The following AHR variants were observed in gnomAD, a reference collection of about 807,000 sequenced individuals.
AHR encodes the protein AH-receptor.
A neutral mutation model predicts 86.8 loss-of-function variants in AHR; 40 were observed. The ratio of observed to expected loss-of-function variants is 0.46; its 90% CI spans 0.36 to 0.60. The LOEUF is 0.60. Ranked by LOEUF, AHR falls within the 20% of genes least tolerant of loss-of-function variation. The pLI is 0.00. For missense variants in AHR, 1,001 were observed against 1,011.6 expected (o/e 0.99, Z 0.14); for synonymous variants, 398 against 354.9 (o/e 1.12, Z -1.37).
chr7:17,337,324 T>C (rs921966919), intron 9 of AHR, among the ~76,000 whole-genome samples: 8 of 152,260 alleles, frequency 5.3e-5, no homozygotes, highest in African/African-American at 1.7e-4. Context: ...TTCTGTAGTT[T>C]GGGAGTATCT....
At position 17,343,331 on chromosome 7, in the gene AHR, G is replaced by A. The variant is rs1202239687; in HGVS notation, c.*267G>A. ...CCGTCTACATTTCACATTATTCTGGGCACCACAAAATATACAAAACTTTAT... is the reference window on the plus strand; with the variant it reads ...CCGTCTACATTTCACATTATTCTGGACACCACAAAATATACAAAACTTTAT... On this transcript the variant is annotated 3_prime_UTR_variant, in exon 11 of 11. Coordinates refer to ENST00000242057, the MANE Select transcript of AHR (RefSeq NM_001621.5). The A allele has an allele frequency of 2.5e-6, 1 of 395,756 alleles. No individual in the cohort carries two copies. The highest frequency in any genetic ancestry group is 4.9e-5 in the East Asian group (1 of 20,378). 24.5% of individuals were successfully genotyped at this position (395,756 alleles called of 1,614,324 possible). A position where few individuals can be genotyped will look rare whatever the true frequency, so the allele number is the denominator to read the frequency against.
chr7:17,315,265 T>A (rs377142244), intron 2 of AHR, among the ~76,000 whole-genome samples: 248 of 152,140 alleles, frequency 1.6e-3, no homozygotes, highest in African/African-American at 5.7e-3. Flanking sequence ...GATATCCCAA[T>A]TTACAGTATA....
Position 17,298,668 on chromosome 7 carries a change from C to T in AHR, c.-597C>T, listed in dbSNP as rs566313952. 7 of 394,764 alleles carry T rather than the reference C, an allele frequency of 1.8e-5. No homozygotes were observed. Among genetic ancestry groups the T allele is most frequent in the South Asian group, 2.8e-4 (2 of 7,250 alleles). 24.5% of individuals were successfully genotyped at this position (394,764 alleles called of 1,614,324 possible). A position where few individuals can be genotyped will look rare whatever the true frequency, so the allele number is the denominator to read the frequency against. On this transcript the variant is annotated 5_prime_UTR_variant, in exon 1 of 11. Transcript: ENST00000242057. ...GCGGGAGGCAGTGGCTGGGGAGTCC[C>T]GTCGACGCTCTGTTCCGAGAGCGTG...
chr7:17,311,814 A>T (rs1346676624), intron 2 of AHR, among the ~76,000 whole-genome samples: 1 of 152,214 alleles, frequency 6.6e-6, no homozygotes, highest in East Asian at 1.9e-4. Context: ...CATTTAGCTG[A>T]CATAGTTGGA....
In AHR at chr7:17,343,082, A is replaced by G. The variant is rs1782443666; in HGVS notation, c.*18A>G. ...TCCTGTAATTCCAAGCCCAATTTTG[A>G]CCCTGGTTTTTGGATTAAATTAGTT... On this transcript the variant is annotated 3_prime_UTR_variant, in exon 11 of 11. Coordinates refer to ENST00000242057, the MANE Select transcript of AHR (RefSeq NM_001621.5). 6.2e-7 allele frequency: 1 copy of G among 1,612,924 alleles called. No homozygotes were observed. Among genetic ancestry groups the G allele is most frequent in the Non-Finnish European group, 8.5e-7 (1 of 1,179,408 alleles).
Position 17,343,478 on chromosome 7 carries a change from A to G in AHR, c.*414A>G, listed in dbSNP as rs1413285600. The G allele has an allele frequency of 6.0e-6, 1 of 166,012 alleles. No individual in the cohort carries two copies. Among genetic ancestry groups the G allele is most frequent in the East Asian group, 1.8e-4 (1 of 5,468 alleles). 10.3% of individuals were successfully genotyped at this position (166,012 alleles called of 1,614,324 possible). A position where few individuals can be genotyped will look rare whatever the true frequency, so the allele number is the denominator to read the frequency against. ...ATTCTTATTAGTTCCCCAAATACAA[A>G]GTTAGAGAACTAAACTAGTTTTTCC... is the stretch of plus-strand genomic sequence containing the variant. On this transcript the variant is annotated 3_prime_UTR_variant, in exon 11 of 11. Transcript: ENST00000242057.
At chr7:17,302,220 C>T (rs748623079) in intron 1 of AHR, among the ~76,000 whole-genome samples, 1 of 152,000 alleles carries the variant, frequency 6.6e-6, no homozygotes, top group Non-Finnish European at 1.5e-5. Flanking sequence ...GGGATCTACA[C>T]TTTAAAATGA....
At chr7:17,322,668 A>G in intron 3 of AHR, 61 bp downstream of exon 3, 1 of 1,126,096 alleles carries the variant, frequency 8.9e-7, no homozygotes. Context: ...AAATGAATTA[A>G]TAAGTCTTTT....
Position 17,339,739 on chromosome 7 carries a change from G to A in AHR, c.1914G>A (p.Leu638=), listed in dbSNP as rs765822318. 5.0e-6 allele frequency: 8 copies of A among 1,614,204 alleles called. No individual in the cohort carries two copies. Among genetic ancestry groups the A allele is most frequent in the Non-Finnish European group, 6.8e-6 (8 of 1,180,044 alleles). ...KQVVVEPQQQ[L]CQKMKHMQVN... is the part of the protein sequence containing the mutation. ...TAGTAGTGGAGCCACAGCAACAGCT[G>A]TGTCAGAAGATGAAGCACATGCAAG... is the stretch of plus-strand genomic sequence containing the variant. The change falls in exon 10 of 11, where the codon CTG becomes CTA. Residue 638 remains leucine, a synonymous_variant. Coordinates refer to ENST00000242057, the MANE Select transcript of AHR (RefSeq NM_001621.5).
At position 17,338,988 on chromosome 7, in the gene AHR, A is replaced by T; in HGVS notation, c.1163A>T (p.Asp388Val). 1 of 1,594,064 alleles carries T rather than the reference A, an allele frequency of 6.3e-7. No individual in the cohort carries two copies. Among genetic ancestry groups the T allele is most frequent in the Non-Finnish European group, 8.6e-7 (1 of 1,169,128 alleles). Reference sequence around the variant, plus strand: ...GACTTTTTTGTACACAATTTTAGAGATGAGGAAGGAACAGAGCATTTACGA... The same window carrying T: ...GACTTTTTTGTACACAATTTTAGAGTTGAGGAAGGAACAGAGCATTTACGA... The part of the protein sequence containing the change: ...YIIVTQRPLT[D>V]EEGTEHLRKR... The change falls in exon 10 of 11, where the codon GAT becomes GTT. Residue 388 changes from aspartate (D) to valine (V), a missense_variant and splice_region_variant. Physicochemically the swap from Asp to Val is radical, Grantham distance 152 (BLOSUM62 -3). This residue lies in a region of AHR where 607 missense variants were observed against 543.1 expected (regional missense o/e 1.12). Transcript: ENST00000242057.
At chr7:17,329,783 T>G (rs925143890) in intron 4 of AHR, 169 bp from the exon 5 acceptor site, 2 of 535,344 alleles carry the variant, frequency 3.7e-6, no homozygotes, top group Admixed American at 7.8e-5. Context: ...TCTCTTTAGC[T>G]TTTTCTACCT....
At chr7:17,325,109 G>A (rs1200382219) in intron 3 of AHR, among the ~76,000 whole-genome samples, 4 of 152,148 alleles carry the variant, frequency 2.6e-5, no homozygotes. Context: ...CTAAAAGAAT[G>A]ATGATCTCTT....
intron 4 of AHR, among the ~76,000 whole-genome samples, chr7:17,328,180 A>C (rs1379644968): frequency 6.6e-6 from 1 of 151,978 alleles, no homozygotes; most frequent in Non-Finnish European, 1.5e-5. Flanking sequence ...TATGACAACT[A>C]TGAAATGAAT....
intron 10 of AHR, among the ~76,000 whole-genome samples, chr7:17,341,095 T>C (rs1018371673): frequency 6.6e-6 from 1 of 152,166 alleles, no homozygotes; most frequent in African/African-American, 2.4e-5. Flanking sequence ...AAAGTATATT[T>C]AAGTTTAGTT....
chr7:17,324,506 A>G (rs1041822247), intron 3 of AHR, among the ~76,000 whole-genome samples: 1 of 152,230 alleles, frequency 6.6e-6, no homozygotes, highest in African/African-American at 2.4e-5. Flanking sequence ...AAATGTTACA[A>G]AAATTTTTAT....
Position 17,344,421 on chromosome 7 carries a change from A to G in AHR, c.*1357A>G, listed in dbSNP as rs1482681404. 6.5e-6 allele frequency: 1 copy of G among 152,734 alleles called. No homozygotes were observed. The highest frequency in any genetic ancestry group is 1.5e-5 in the Non-Finnish European group (1 of 68,032). 9.5% of individuals were successfully genotyped at this position (152,734 alleles called of 1,614,324 possible). A position where few individuals can be genotyped will look rare whatever the true frequency, so the allele number is the denominator to read the frequency against. The stretch of plus-strand genomic sequence containing the variant: ...AATTTGTTGGGGCTTTACATACTTT[A>G]TCAATGTGTCTTTCTAAGAAATCAA... On this transcript the variant is annotated 3_prime_UTR_variant, in exon 11 of 11. Transcript: ENST00000242057.
Position 17,345,981 on chromosome 7 carries a change from G to A in AHR, c.*2917G>A, listed in dbSNP as rs1349932437. 2.0e-5 allele frequency: 3 copies of A among 152,672 alleles called. No homozygotes were observed. The highest frequency in any genetic ancestry group is 7.2e-5 in the African/African-American group (3 of 41,436). 9.5% of individuals were successfully genotyped at this position (152,672 alleles called of 1,614,324 possible). On this transcript the variant is annotated 3_prime_UTR_variant, in exon 11 of 11. Coordinates refer to ENST00000242057, the MANE Select transcript of AHR (RefSeq NM_001621.5). ...TTTCAACATTACTATGCACAAACTA[G>A]TGTTTTTCGATGTTACTAAATTTTA...
chr7:17,329,495 C>A (rs1782263862), intron 4 of AHR, among the ~76,000 whole-genome samples: 1 of 151,756 alleles, frequency 6.6e-6, no homozygotes, highest in Non-Finnish European at 1.5e-5. Context: ...CTTGTGGAGT[C>A]TACTTGGAGT....
At chr7:17,337,764 C>T (rs970886299) in intron 9 of AHR, among the ~76,000 whole-genome samples, 10 of 151,728 alleles carry the variant, frequency 6.6e-5, no homozygotes, top group African/African-American at 1.7e-4. Flanking sequence ...CGTGAGCCAC[C>T]GCGCCCGGCC....
Sources: gnomAD v4.1 joint callset for allele counts (sites outside exome capture counted in the v4.1 genomes callset) on GRCh38, gnomAD v4.1.1 for gene constraint, gnomAD v4.1.1 regional missense constraint, MANE v1.5 for transcripts, NCBI Gene and HGNC (gene_info 2026-07-23, HGNC 2026-07-21) for gene names.